The following IMMP2L variants were observed in gnomAD, a reference collection of about 807,000 sequenced individuals.
The protein encoded by IMMP2L is inner mitochondrial membrane peptidase subunit 2.
IMMP2L carries 18 observed loss-of-function variants against 19.3 expected under a neutral mutation model. The ratio of observed to expected loss-of-function variants is 0.93; its 90% CI spans 0.64 to 1.38. IMMP2L has a LOEUF of 1.38. Ranked by LOEUF, IMMP2L falls within the 40% of genes most tolerant of loss-of-function variation. The pLI, the probability that IMMP2L is intolerant of heterozygous loss-of-function variation, is 0.00. For synonymous variants in IMMP2L, 76 were observed against 73.0 expected, an observed-to-expected ratio of 1.04 and a Z score of -0.21; for missense variants, 233 against 218.2, an observed-to-expected ratio of 1.07 and a Z score of -0.43.
Position 111,372,336 on chromosome 7 carries a change from C to G in IMMP2L, c.239+114902G>C, listed in dbSNP as rs1485770188. ...CAACAAAGAAAACTTTGGAATAATA[C>G]TTCCTTTAAGCTGAATACTTCTATA... On this transcript the variant is annotated intron_variant, in intron 3 of 5. Coordinates refer to ENST00000405709, the MANE Select transcript of IMMP2L (RefSeq NM_032549.4). Among the ~76,000 whole-genome samples the G allele has an allele frequency of 2.0e-5, 3 of 151,882 alleles. No individual in the cohort carries two copies. In the East Asian group the frequency reaches 5.8e-4, roughly 29 times the overall value.
intron 5 of IMMP2L, among the ~76,000 whole-genome samples, chr7:110,789,849 A>T (rs925733271): frequency 4.6e-5 from 7 of 151,466 alleles, no homozygotes; most frequent in African/African-American, 1.7e-4. Flanking sequence ...CCTGGAATGT[A>T]CTTACCCCAA....
chr7:111,276,009 T>C (rs1819004148), intron 3 of IMMP2L, among the ~76,000 whole-genome samples: 2 of 152,130 alleles, frequency 1.3e-5, no homozygotes, highest in African/African-American at 2.4e-5. Flanking sequence ...GACTTCCTCA[T>C]TTCCAATTTA....
intron 3 of IMMP2L, among the ~76,000 whole-genome samples, chr7:111,355,236 T>C (rs1379305186): frequency 6.6e-6 from 1 of 151,838 alleles, no homozygotes; most frequent in Non-Finnish European, 1.5e-5. Context: ...ACATCGAATT[T>C]TTTAAAAATC....
chr7:111,169,426 T>G (rs1806189985), intron 3 of IMMP2L, among the ~76,000 whole-genome samples: 2 of 152,026 alleles, frequency 1.3e-5, no homozygotes, highest in South Asian at 4.1e-4. Flanking sequence ...ATTTGGTTTT[T>G]GAGCAGTGAA....
intron 3 of IMMP2L, among the ~76,000 whole-genome samples, chr7:111,351,118 T>G (rs1184258466): frequency 6.6e-6 from 1 of 152,188 alleles, no homozygotes; most frequent in African/African-American, 2.4e-5. Context: ...GCGTGTACAC[T>G]GGGAAAAATA....
chr7:111,118,006 C>T (rs762818026), intron 3 of IMMP2L, among the ~76,000 whole-genome samples: 58 of 152,186 alleles, frequency 3.8e-4, no homozygotes, highest in Non-Finnish European at 4.3e-4. Context: ...CCTCACTATA[C>T]CCCAGCTGAT....
chr7:111,422,171 T>C (rs1835625182), intron 3 of IMMP2L, among the ~76,000 whole-genome samples: 1 of 151,868 alleles, frequency 6.6e-6, no homozygotes, highest in Non-Finnish European at 1.5e-5. Context: ...GCCTCCAGCT[T>C]TGTTCTTTTG....
In IMMP2L at chr7:111,270,057, CTGTGTG is replaced by C. The variant is rs58848663; in HGVS notation, c.239+217175_239+217180del. ...TTTGTGTGTGTGCATGCATGTGTGT[CTGTGTG>C]TGTGTGTGTGTGTGTGTGTGTGTGT... On this transcript the variant is annotated intron_variant, in intron 3 of 5. Transcript: ENST00000405709. Among the ~76,000 whole-genome samples, 1,153 of 140,608 alleles carry C rather than the reference CTGTGTG, an allele frequency of 8.2e-3. 8 individuals carry two copies. Among genetic ancestry groups the C allele is most frequent in the African/African-American group, 0.023 (878 of 38,564 alleles). The allele number at this position is 140,608 out of a possible 152,430, so 92.2% of individuals were successfully genotyped here.
chr7:111,135,805 C>G (rs1045937845), intron 3 of IMMP2L, among the ~76,000 whole-genome samples: 3 of 152,134 alleles, frequency 2.0e-5, no homozygotes, highest in African/African-American at 7.2e-5. Context: ...CTGCCTTTGA[C>G]AAACTTTATA....
intron 3 of IMMP2L, among the ~76,000 whole-genome samples, chr7:110,985,132 C>T (rs1336282439): frequency 1.3e-5 from 2 of 152,004 alleles, no homozygotes; most frequent in Non-Finnish European, 2.9e-5. Context: ...GGCAAGAAAA[C>T]AAATTCTCCC....
At position 111,042,414 on chromosome 7, in the gene IMMP2L, C is replaced by T. The variant is rs563303498; in HGVS notation, c.240-78849G>A. On this transcript the variant is annotated intron_variant, in intron 3 of 5. Coordinates refer to ENST00000405709, the MANE Select transcript of IMMP2L (RefSeq NM_032549.4). Reference sequence around the variant, plus strand: ...CAGACTGGTCTCAAACTCCTGACCTCAAGAGATCCACCCGCCTCAGCCTCC... The same window carrying T: ...CAGACTGGTCTCAAACTCCTGACCTTAAGAGATCCACCCGCCTCAGCCTCC... Among the ~76,000 whole-genome samples the T allele has an allele frequency of 3.9e-5, 6 of 152,260 alleles. No homozygotes were observed. In the South Asian group the frequency reaches 1.2e-3, roughly 32 times the overall value.
intron 3 of IMMP2L, among the ~76,000 whole-genome samples, chr7:111,426,684 G>C (rs1436337977): frequency 6.6e-6 from 1 of 151,210 alleles, no homozygotes; most frequent in Non-Finnish European, 1.5e-5. Flanking sequence ...CATTTCCTTT[G>C]ATGAGTAGTT....
intron 3 of IMMP2L, among the ~76,000 whole-genome samples, chr7:111,268,898 C>T (rs960551286): frequency 2.6e-4 from 39 of 152,012 alleles, no homozygotes; most frequent in African/African-American, 9.4e-4. Context: ...TGCACCTGGC[C>T]AAACTTCAGA....
chr7:110,827,063 T>C (rs528533644), intron 5 of IMMP2L, among the ~76,000 whole-genome samples: 71 of 152,204 alleles, frequency 4.7e-4, no homozygotes, highest in South Asian at 1.5e-3. Flanking sequence ...AATGCCAGTA[T>C]TGACAGAGTA....
chr7:111,433,504 C>A (rs1364307489), intron 3 of IMMP2L, among the ~76,000 whole-genome samples: 1 of 151,768 alleles, frequency 6.6e-6, no homozygotes, highest in African/African-American at 2.4e-5. Flanking sequence ...GAGAGTTATT[C>A]ACTACAATGA....
intron 3 of IMMP2L, among the ~76,000 whole-genome samples, chr7:111,469,962 C>T (rs1488495124): frequency 5.9e-5 from 9 of 152,032 alleles, no homozygotes; most frequent in Non-Finnish European, 1.0e-4. Flanking sequence ...AGAAAATTTT[C>T]GCAAGCTACT....
At chr7:110,787,776 C>T (rs1381107308) in intron 5 of IMMP2L, among the ~76,000 whole-genome samples, 1 of 151,804 alleles carries the variant, frequency 6.6e-6, no homozygotes, top group Non-Finnish European at 1.5e-5. Context: ...AACAAGATGG[C>T]AAAATCCTTG....
chr7:110,755,410 A>C (rs1007216043), intron 5 of IMMP2L, among the ~76,000 whole-genome samples: 1 of 152,154 alleles, frequency 6.6e-6, no homozygotes, highest in African/African-American at 2.4e-5. Context: ...AATACTTTTT[A>C]AAACTTAAGT....
chr7:111,236,412 C>G (rs1814320051), intron 3 of IMMP2L, among the ~76,000 whole-genome samples: 2 of 152,108 alleles, frequency 1.3e-5, no homozygotes, highest in African/African-American at 4.8e-5. Context: ...ATATGCTCCA[C>G]TACTAGGCAA....
Sources: gnomAD v4.1 joint callset for allele counts (sites outside exome capture counted in the v4.1 genomes callset) on GRCh38, gnomAD v4.1.1 for gene constraint, MANE v1.5 for transcripts, NCBI Gene and HGNC (gene_info 2026-07-23, HGNC 2026-07-21) for gene names.